AMY2A: variants seen among roughly 807,000 people sequenced by gnomAD.
AMY2A encodes the protein amylase alpha 2A.
In AMY2A, 16 loss-of-function variants were observed where a neutral mutation model predicts 43.0. That is an observed-to-expected ratio of 0.37 (90% confidence interval 0.25 to 0.56). The LOEUF is 0.56. Ranked by LOEUF, AMY2A falls within the 20% of genes least tolerant of loss-of-function variation. The pLI is 0.77. For synonymous variants in AMY2A, 70 were observed against 144.6 expected, an observed-to-expected ratio of 0.48 and a Z score of 3.70; for missense variants, 212 against 456.8, an observed-to-expected ratio of 0.46 and a Z score of 4.89.
chr1:103,623,633 A>C (rs2101102284), intron 7 of AMY2A, among the ~76,000 whole-genome samples: 1 of 116,368 alleles, frequency 8.6e-6, no homozygotes, highest in African/African-American at 3.7e-5. Context: ...TGGAATGAAA[A>C]GGAGAGGATA....
At chr1:103,617,014 T>C, upstream of AMY2A, 1 of 1,044,518 alleles carries the variant, frequency 9.6e-7, no homozygotes, top group Non-Finnish European at 1.2e-6. Flanking sequence ...CAGAGCACCG[T>C]GGGCTGTTAC....
intron 2 of AMY2A, 79 bp downstream of exon 2, chr1:103,618,179 A>G: frequency 1.3e-6 from 2 of 1,519,162 alleles, no homozygotes; most frequent in East Asian, 2.3e-5. Context: ...CCTTTTCAGC[A>G]GAAAATTTTC....
rs1298505619 is a variant in AMY2A, at chr1:103,618,002, T to C, written c.217T>C (p.Trp73Arg). 2.5e-6 allele frequency: 4 copies of C among 1,600,478 alleles called. No individual in the cohort carries two copies. The highest frequency in any genetic ancestry group is 3.4e-6 in the Non-Finnish European group (4 of 1,170,694). Residue 73 changes from tryptophan to arginine, a missense_variant, in exon 2 of 10, where the codon TGG becomes CGG. Trp to Arg is a moderately radical substitution (Grantham distance 101). Coordinates refer to ENST00000414303, the MANE Select transcript of AMY2A (RefSeq NM_000699.4). ...NVAIYNPFRPWWERYQPVSYK... is the reference protein window; with the variant it reads ...NVAIYNPFRPRWERYQPVSYK... ...TGCAATTTACAACCCTTTCAGACCTTGGTGGGAAAGATACCAACCAGTTAG... is the reference window on the plus strand; with the variant it reads ...TGCAATTTACAACCCTTTCAGACCTCGGTGGGAAAGATACCAACCAGTTAG...
intron 9 of AMY2A, among the ~76,000 whole-genome samples, chr1:103,624,929 C>T (rs1159820932): frequency 1.5e-5 from 2 of 131,142 alleles, no homozygotes; most frequent in Non-Finnish European, 3.3e-5. Flanking sequence ...GACACTCATA[C>T]TTAGCTCACT....
At chr1:103,623,571 T>C (rs1452522231) in intron 7 of AMY2A, among the ~76,000 whole-genome samples, 2 of 93,646 alleles carry the variant, frequency 2.1e-5, no homozygotes, top group East Asian at 2.1e-4. Context: ...GCTATGATCA[T>C]GCCACTGTAC....
Position 103,617,871 on chromosome 1 carries a change from T to C in AMY2A, c.169-83T>C, listed in dbSNP as rs560626869. 4.4e-6 allele frequency: 7 copies of C among 1,585,942 alleles called. No individual in the cohort carries two copies. The African/African-American group carries it at 5.4e-5, about 12-fold the overall frequency. Reference sequence around the variant, plus strand: ...CCTATACCAAGATTCAAGAATCTTTTATACTATTGATTAGTTTCTAGAACA... The same window carrying C: ...CCTATACCAAGATTCAAGAATCTTTCATACTATTGATTAGTTTCTAGAACA... On this transcript the variant is annotated intron_variant, in intron 1 of 9. Coordinates refer to ENST00000414303, the MANE Select transcript of AMY2A (RefSeq NM_000699.4).
At chr1:103,619,918 C>T (rs181054541) in intron 4 of AMY2A, 134 bp downstream of exon 4, 232 of 1,458,560 alleles carry the variant, frequency 1.6e-4, no homozygotes, top group African/African-American at 1.2e-3. Context: ...TTAACCTCCT[C>T]TTCTTCACAT....
chr1:103,617,122 A>G (rs1435229278), upstream of AMY2A: 1 of 960,768 alleles, frequency 1.0e-6, no homozygotes, highest in Non-Finnish European at 1.4e-6. Context: ...GGATCTTTAA[A>G]GAGATGACAA....
intron 4 of AMY2A, 200 bp downstream of exon 4, chr1:103,619,984 G>A: frequency 1.6e-6 from 2 of 1,232,840 alleles, no homozygotes; most frequent in East Asian, 2.6e-5. Context: ...CAGAATGTAG[G>A]ATACTGATAA....
At chr1:103,617,262 C>T (rs557202217), upstream of AMY2A, 3 of 1,322,770 alleles carry the variant, frequency 2.3e-6, no homozygotes, top group South Asian at 2.9e-5. Context: ...TAGATGATTT[C>T]CATGAGAGAC....
chr1:103,618,093 A>G lies in AMY2A; in HGVS notation c.308A>G (p.Asn103Ser), dbSNP rs780571138. 135 of 1,597,410 alleles carry G rather than the reference A, an allele frequency of 8.5e-5. 10 individuals are homozygous for G. The highest frequency in any genetic ancestry group is 1.0e-4 in the Non-Finnish European group (122 of 1,168,506). ...EFRNMVTRCN[N>S]VGVRIYVDAV... ...AGAAACATGGTGACTAGATGTAACA[A>G]TGTTGGGGTAAGTGAATTCTAGTTT... The change falls in exon 2 of 10, where the codon AAT becomes AGT. Residue 103 changes from asparagine (N) to serine (S), a missense_variant. Physicochemically the swap from Asn to Ser is conservative, Grantham distance 46 (BLOSUM62 1). Around this residue, in one of 2 missense-constraint regions of AMY2A, gnomAD observed 199 missense variants for 210.6 expected, o/e 0.94. Coordinates refer to ENST00000414303, the MANE Select transcript of AMY2A (RefSeq NM_000699.4).
upstream of AMY2A, chr1:103,617,416 A>G (rs778854949): frequency 6.3e-7 from 1 of 1,593,626 alleles, no homozygotes; most frequent in South Asian, 1.1e-5. Flanking sequence ...GTTTCTGGAA[A>G]GGACACTGAC....
upstream of AMY2A, chr1:103,617,010 A>C: frequency 9.6e-7 from 1 of 1,045,166 alleles, no homozygotes; most frequent in Non-Finnish European, 1.2e-6. Context: ...CTACCAGAGC[A>C]CCGTGGGCTG....
chr1:103,617,931 TATG>T lies in AMY2A; in HGVS notation c.169-21_169-19del. On this transcript the variant is annotated intron_variant, in intron 1 of 9. Transcript: ENST00000414303. ...ACACAGTAAGACAGAATTTGGTACTTATGAAGACTGTTTAATTTGTAGGTCTCT... is the reference window on the plus strand; with the variant it reads ...ACACAGTAAGACAGAATTTGGTACTTAAGACTGTTTAATTTGTAGGTCTCT... 1 of 1,600,472 alleles carries T rather than the reference TATG, an allele frequency of 6.2e-7. No homozygotes were observed. Among genetic ancestry groups the T allele is most frequent in the African/African-American group, 1.3e-5 (1 of 74,800 alleles).
At chr1:103,617,331 A>G (rs1476016485), upstream of AMY2A, 2 of 1,541,536 alleles carry the variant, frequency 1.3e-6, no homozygotes, top group African/African-American at 1.4e-5. Context: ...GATTATGAAT[A>G]AACAGTTTGC....
upstream of AMY2A, chr1:103,616,901 T>C: frequency 1.3e-6 from 1 of 769,172 alleles, no homozygotes; most frequent in Non-Finnish European, 1.6e-6. Flanking sequence ...GTCTAGAGGC[T>C]GGTAAGGGCT....
rs371338652 is a variant in AMY2A at position 103,617,632 on chromosome 1, T to C, written c.168+24T>C. The C allele has an allele frequency of 2.0e-5, 32 of 1,600,912 alleles. No individual in the cohort carries two copies. In the African/African-American group the frequency reaches 3.6e-4, roughly 18 times the overall value. On this transcript the variant is annotated intron_variant, in intron 1 of 9. Coordinates refer to ENST00000414303, the MANE Select transcript of AMY2A (RefSeq NM_000699.4). ...AGGTGGGTATGATTCATAGTATCAA[T>C]TGCGGAATTCACTGTGCTTGTAGGA...
chr1:103,618,081 C>A lies in AMY2A; in HGVS notation c.296C>A (p.Thr99Asn), dbSNP rs143462563. ...GNEDEFRNMV[T>N]RCNNVGVRIY... ...GAAGATGAATTTAGAAACATGGTGA[C>A]TAGATGTAACAATGTTGGGGTAAGT... The change falls in exon 2 of 10, where the codon ACT becomes AAT. Residue 99 changes from threonine (T) to asparagine (N), a missense_variant. Thr to Asn is a moderately conservative substitution (Grantham distance 65). This residue lies in a region of AMY2A where 199 missense variants were observed against 210.6 expected (regional missense o/e 0.94). Coordinates refer to ENST00000414303, the MANE Select transcript of AMY2A (RefSeq NM_000699.4). The A allele has an allele frequency of 1.9e-3, 2,968 of 1,599,654 alleles. 108 individuals carry two copies. The African/African-American group carries it at 0.032, about 17-fold the overall frequency.
In AMY2A at chr1:103,623,508, A is replaced by G. The variant is rs170146; in HGVS notation, c.1102-358A>G. 2.4e-3 allele frequency among the ~76,000 whole-genome samples: 189 copies of G among 79,520 alleles called. 3 individuals are homozygous for G. The highest frequency in any genetic ancestry group is 3.6e-3 in the Non-Finnish European group (147 of 40,940). The allele number at this position is 79,520 out of a possible 152,430, so 52.2% of individuals were successfully genotyped here. A position where few individuals can be genotyped will look rare whatever the true frequency, so the allele number is the denominator to read the frequency against. On this transcript the variant is annotated intron_variant, in intron 7 of 9. Transcript: ENST00000414303. The stretch of plus-strand genomic sequence containing the variant: ...TGCACACCAACAGTCTTAGCTACTT[A>G]GGAGGCTGAGATAGGAGGATCGCTT...
Sources: gnomAD v4.1 joint callset for allele counts (sites outside exome capture counted in the v4.1 genomes callset) on GRCh38, gnomAD v4.1.1 for gene constraint, gnomAD v4.1.1 regional missense constraint, MANE v1.5 for transcripts, NCBI Gene and HGNC (gene_info 2026-07-23, HGNC 2026-07-21) for gene names.